Variants in PRSS23 observed in about 807,000 individuals in gnomAD.
PRSS23 encodes protease, serine 23.
In PRSS23, 25 loss-of-function variants were observed where a neutral mutation model predicts 34.7. The observed-to-expected ratio is 0.72, with a 90% CI of 0.53 to 1.01. PRSS23 has a LOEUF of 1.01. PRSS23 is among the 50% of genes least tolerant of loss of function. The pLI is 0.00. For missense variants in PRSS23, 445 were observed against 475.6 expected, an observed-to-expected ratio of 0.94 and a Z score of 0.60; for synonymous variants, 176 against 186.6, an observed-to-expected ratio of 0.94 and a Z score of 0.46.
intron 1 of PRSS23, among the ~76,000 whole-genome samples, chr11:86,792,888 T>G (rs1318897810): frequency 6.6e-6 from 1 of 152,212 alleles, no homozygotes; most frequent in Admixed American, 6.5e-5. Flanking sequence ...CCATTCTTTT[T>G]TTGAGACAGG....
rs71040269 is a variant in PRSS23 at position 86,895,477 on chromosome 11, C to CTTTT, written c.207-55720_207-55717dup. Among the ~76,000 whole-genome samples, 693 of 86,544 alleles carry CTTTT rather than the reference C, an allele frequency of 8.0e-3. 7 individuals are homozygous for CTTTT. The highest frequency in any genetic ancestry group is 0.012 in the Middle Eastern group (1 of 82). The allele number at this position is 86,544 out of a possible 152,430, so 56.8% of individuals were successfully genotyped here. ...TACTGTATTTATCCTTTATTTTATCCTTTTTTTTTTTTTTTTTTTTTTGAG... is the reference window on the plus strand; with the variant it reads ...TACTGTATTTATCCTTTATTTTATCCTTTTTTTTTTTTTTTTTTTTTTTTTTGAG... On this transcript the variant is annotated intron_variant, in intron 2 of 2. Transcript: ENST00000533902.
Position 86,836,239 on chromosome 11 carries a change from T to C in PRSS23, c.206+12646T>C, listed in dbSNP as rs144820684. On this transcript the variant is annotated intron_variant, in intron 2 of 2. Transcript: ENST00000533902. ...TTTCTGTACTCCTAAAATTGGAGTA[T>C]TGCAGGGGCTATTGCACGGTTTTAC... 9.2e-3 allele frequency among the ~76,000 whole-genome samples: 1,406 copies of C among 152,262 alleles called. 16 individuals carry two copies. Among genetic ancestry groups the C allele is most frequent in the African/African-American group, 0.032 (1,324 of 41,548 alleles).
At chr11:86,818,710 GGCAACTC>G (rs1948232415) in intron 1 of PRSS23, among the ~76,000 whole-genome samples, 1 of 152,040 alleles carries the variant, frequency 6.6e-6, no homozygotes. Flanking sequence ...GATGCTCATC[GGCAACTC>G]GTGGTTTCTT....
chr11:86,911,695 T>A (rs1449802865), intron 2 of PRSS23: 3 of 152,218 alleles, frequency 2.0e-5, no homozygotes, highest in Non-Finnish European at 2.9e-5. Context: ...TTTGTAGTTT[T>A]AAAAGTATTG....
intron 2 of PRSS23, among the ~76,000 whole-genome samples, chr11:86,888,529 C>T (rs544830219): frequency 3.9e-5 from 6 of 152,280 alleles, no homozygotes; most frequent in Non-Finnish European, 7.4e-5. Context: ...ACAATCCCCG[C>T]CAGAAAAACA....
At chr11:86,861,249 T>G (rs1159516224) in intron 2 of PRSS23, among the ~76,000 whole-genome samples, 1 of 149,056 alleles carries the variant, frequency 6.7e-6, no homozygotes, top group Middle Eastern at 3.7e-3. Flanking sequence ...GGGGCGATAT[T>G]ACTCTCAATG....
intron 1 of PRSS23, among the ~76,000 whole-genome samples, chr11:86,801,913 C>A (rs549695452): frequency 6.6e-6 from 1 of 152,314 alleles, no homozygotes; most frequent in African/African-American, 2.4e-5. Flanking sequence ...GGTAACTTGT[C>A]CTTTCCTGTG....
rs143938670 is a variant in PRSS23, at chr11:86,809,532, A to C, written c.*737A>C. 1.2e-5 allele frequency: 2 copies of C among 167,070 alleles called. No homozygotes were observed. The highest frequency in any genetic ancestry group is 2.9e-5 in the Non-Finnish European group (2 of 68,112). The allele number at this position is 167,070 out of a possible 1,614,324, so 10.3% of individuals were successfully genotyped here. On this transcript the variant is annotated 3_prime_UTR_variant, in exon 2 of 2. Coordinates refer to ENST00000280258, the MANE Select transcript of PRSS23 (RefSeq NM_007173.6). Reference sequence around the variant, plus strand: ...CCTCCCAACTTTAAAGTCATACCAGAGTGGCCAAGAGTGTTTATCCCAACC... The same window carrying C: ...CCTCCCAACTTTAAAGTCATACCAGCGTGGCCAAGAGTGTTTATCCCAACC...
At chr11:86,837,970 A>G (rs916345134) in intron 2 of PRSS23, among the ~76,000 whole-genome samples, 1 of 152,116 alleles carries the variant, frequency 6.6e-6, no homozygotes, top group Non-Finnish European at 1.5e-5. Flanking sequence ...GAACTGAAGT[A>G]GGGCAGGGTG....
At chr11:86,842,146 G>A (rs1034568686) in intron 2 of PRSS23, among the ~76,000 whole-genome samples, 3 of 152,104 alleles carry the variant, frequency 2.0e-5, no homozygotes, top group African/African-American at 7.2e-5. Flanking sequence ...ATCAATAAAC[G>A]TAATCCATCA....
chr11:86,899,811 C>A (rs1217732902), intron 2 of PRSS23, among the ~76,000 whole-genome samples: 1 of 150,066 alleles, frequency 6.7e-6, no homozygotes, highest in Non-Finnish European at 1.5e-5. Context: ...CCACCAAGTC[C>A]GGCCGCGAGA....
chr11:86,925,331 TC>T, intron 2 of PRSS23, among the ~76,000 whole-genome samples: 4 of 151,504 alleles, frequency 2.6e-5, no homozygotes, highest in Non-Finnish European at 5.9e-5. Context: ...TGTGTGTGTG[TC>T]GTTTACATTT....
intron 2 of PRSS23, among the ~76,000 whole-genome samples, chr11:86,905,108 G>A (rs1242557171): frequency 2.0e-5 from 3 of 152,120 alleles, no homozygotes; most frequent in Non-Finnish European, 4.4e-5. Flanking sequence ...AAAAACAGAT[G>A]TTGGGCTTGA....
chr11:86,945,461 T>C (rs1056253174), intron 2 of PRSS23, among the ~76,000 whole-genome samples: 2 of 152,058 alleles, frequency 1.3e-5, no homozygotes, highest in African/African-American at 4.8e-5. Flanking sequence ...CTGATGACCA[T>C]ATTAGCAATC....
At chr11:86,861,919 G>A (rs1325735172) in intron 2 of PRSS23, among the ~76,000 whole-genome samples, 2 of 151,942 alleles carry the variant, frequency 1.3e-5, no homozygotes, top group African/African-American at 2.4e-5. Flanking sequence ...CCAGCGTGGA[G>A]AGGATGATAT....
At chr11:86,832,986 G>A (rs1405153830) in intron 2 of PRSS23, 7 of 404,362 alleles carry the variant, frequency 1.7e-5, no homozygotes, top group Non-Finnish European at 3.3e-5. Flanking sequence ...TTGTGCAGCT[G>A]GGAGTCTAAA....
intron 2 of PRSS23, among the ~76,000 whole-genome samples, chr11:86,940,140 C>T (rs1428015639): frequency 6.6e-6 from 1 of 152,168 alleles, no homozygotes; most frequent in Non-Finnish European, 1.5e-5. Flanking sequence ...CCCTCTCCTC[C>T]CAAGGACCCT....
At chr11:86,939,426 A>ATATTT in intron 2 of PRSS23, among the ~76,000 whole-genome samples, 1,505 of 93,930 alleles carry the variant, frequency 0.016, 51 homozygotes, top group Middle Eastern at 0.036. Flanking sequence ...ATATATATAT[A>ATATTT]TTTTTTAACA....
chr11:86,802,887 G>T (rs558045880), intron 1 of PRSS23, among the ~76,000 whole-genome samples: 1 of 152,268 alleles, frequency 6.6e-6, no homozygotes, highest in South Asian at 2.1e-4. Context: ...ACCACCAAGG[G>T]CCTATGAAGT....
Sources: allele counts gnomAD v4.1 joint callset (sites outside exome capture counted in the v4.1 genomes callset), GRCh38; gene constraint gnomAD v4.1.1; transcripts MANE v1.5; gene names NCBI Gene and HGNC (gene_info 2026-07-23, HGNC 2026-07-21).